The following SYCP2L variants were observed in gnomAD, a reference collection of about 807,000 sequenced individuals.
SYCP2L encodes the protein synaptonemal complex protein 2 like, also known as synaptonemal complex protein 2-like.
Under a neutral mutation model 125.8 loss-of-function variants are expected in SYCP2L, and 98 were observed. That is an observed-to-expected ratio of 0.78 (90% CI 0.66 to 0.92). SYCP2L has a LOEUF of 0.92. Ranked by LOEUF, SYCP2L falls within the 40% of genes least tolerant of loss-of-function variation. SYCP2L has a pLI of 0.00. For missense variants in SYCP2L, 842 were observed against 936.4 expected, an observed-to-expected ratio of 0.90 and a Z score of 1.32; for synonymous variants, 317 against 325.4, an observed-to-expected ratio of 0.97 and a Z score of 0.28.
chr6:10,904,367 T>A lies in SYCP2L; in HGVS notation c.641+1404T>A, dbSNP rs200724310. Among the ~76,000 whole-genome samples the A allele has an allele frequency of 1.2e-4, 19 of 152,272 alleles. No individual in the cohort carries two copies. In the East Asian group the frequency reaches 3.5e-3, roughly 28 times the overall value. On this transcript the variant is annotated intron_variant, in intron 8 of 29. Coordinates refer to ENST00000283141, the MANE Select transcript of SYCP2L (RefSeq NM_001040274.3). The stretch of plus-strand genomic sequence containing the variant: ...TAACAACCAGCCAGCGCGGAGGACA[T>A]CATGGTGGCACATTATTTGCGTGGT...
intron 28 of SYCP2L, 34 bp downstream of exon 28, chr6:10,961,592 T>C: frequency 6.2e-7 from 1 of 1,608,768 alleles, no homozygotes; most frequent in Non-Finnish European, 8.5e-7. Flanking sequence ...AGAAGAATCT[T>C]GGTTGAAGTA....
chr6:10,919,800 C>T (rs531577023), intron 14 of SYCP2L, among the ~76,000 whole-genome samples: 124 of 152,018 alleles, frequency 8.2e-4, no homozygotes, highest in Non-Finnish European at 9.3e-4. Context: ...GAGTTATGTT[C>T]CTAGGAGGAT....
intron 14 of SYCP2L, among the ~76,000 whole-genome samples, chr6:10,920,800 A>G (rs927608432): frequency 1.3e-5 from 2 of 150,904 alleles, no homozygotes; most frequent in Non-Finnish European, 2.9e-5. Flanking sequence ...TGCCTCATGG[A>G]AAGAAGGTAA....
chr6:10,895,207 G>C (rs965581390), intron 4 of SYCP2L, among the ~76,000 whole-genome samples: 1 of 152,198 alleles, frequency 6.6e-6, no homozygotes, highest in Non-Finnish European at 1.5e-5. Context: ...AAATCTCAAA[G>C]GAAATGAGGC....
chr6:10,972,616 C>T (rs1048254241), intron 29 of SYCP2L, among the ~76,000 whole-genome samples: 1 of 152,152 alleles, frequency 6.6e-6, no homozygotes, highest in East Asian at 1.9e-4. Flanking sequence ...CTTTTCTACA[C>T]CCCAGGCAGG....
At chr6:10,953,220 C>T (rs1025635665) in intron 23 of SYCP2L, among the ~76,000 whole-genome samples, 42 of 152,060 alleles carry the variant, frequency 2.8e-4, no homozygotes, top group Non-Finnish European at 4.9e-4. Context: ...TTATAATTTT[C>T]TTTTTTTCCA....
chr6:10,896,009 T>C (rs1318517142), intron 4 of SYCP2L, among the ~76,000 whole-genome samples: 1 of 152,012 alleles, frequency 6.6e-6, no homozygotes, highest in Non-Finnish European at 1.5e-5. Flanking sequence ...AAAAATTAGC[T>C]GGGCAGTGGT....
intron 23 of SYCP2L, among the ~76,000 whole-genome samples, chr6:10,943,339 A>T (rs1017723902): frequency 6.6e-6 from 1 of 152,160 alleles, no homozygotes; most frequent in Non-Finnish European, 1.5e-5. Context: ...AGTTATAAAT[A>T]TGTGTAGGAT....
intron 10 of SYCP2L, among the ~76,000 whole-genome samples, chr6:10,908,224 G>A (rs1780540745): frequency 6.6e-6 from 1 of 152,044 alleles, no homozygotes; most frequent in East Asian, 1.9e-4. Context: ...AGGTGAATTT[G>A]ATGGATCCAG....
chr6:10,931,381 G>A, intron 19 of SYCP2L, 59 bp from the exon 20 acceptor site: 1 of 1,565,988 alleles, frequency 6.4e-7, no homozygotes. Flanking sequence ...ACGGAGTAGA[G>A]AATTTTTATG....
At chr6:10,956,456 G>A (rs1225753) in intron 25 of SYCP2L, among the ~76,000 whole-genome samples, 64,051 of 152,002 alleles carry the variant, frequency 0.42, 14,071 homozygotes, top group African/African-American at 0.46. Context: ...TCAGTTACAA[G>A]TTAATAAGTT....
chr6:10,921,783 G>A (rs1336254057), intron 14 of SYCP2L, among the ~76,000 whole-genome samples: 1 of 151,424 alleles, frequency 6.6e-6, no homozygotes, highest in Non-Finnish European at 1.5e-5. Context: ...TTGGCTCACT[G>A]CAAGCTCCGC....
At chr6:10,959,886 A>G (rs1781569399) in intron 26 of SYCP2L, among the ~76,000 whole-genome samples, 1 of 136,770 alleles carries the variant, frequency 7.3e-6, no homozygotes, top group African/African-American at 2.7e-5. Context: ...AAAAAAAAAG[A>G]AAGAAAGAAA....
intron 20 of SYCP2L, among the ~76,000 whole-genome samples, chr6:10,932,020 A>G (rs1321465407): frequency 1.4e-5 from 2 of 147,476 alleles, no homozygotes; most frequent in South Asian, 2.1e-4. Flanking sequence ...CTGTTCCCAA[A>G]TGTTGCTGGA....
intron 8 of SYCP2L, among the ~76,000 whole-genome samples, chr6:10,905,482 G>A (rs935591471): frequency 6.6e-6 from 1 of 152,016 alleles, no homozygotes; most frequent in Admixed American, 6.6e-5. Context: ...AGTAGAGATG[G>A]GGTTTCTCCA....
At chr6:10,965,649 A>G (rs1781664619) in intron 29 of SYCP2L, among the ~76,000 whole-genome samples, 1 of 152,250 alleles carries the variant, frequency 6.6e-6, no homozygotes, top group African/African-American at 2.4e-5. Flanking sequence ...TCCAGATTAC[A>G]TTACAGAGGA....
chr6:10,900,388 C>A (rs1260123942), intron 6 of SYCP2L, among the ~76,000 whole-genome samples: 2 of 151,556 alleles, frequency 1.3e-5, no homozygotes, highest in Non-Finnish European at 2.9e-5. Context: ...GAGTCTCACA[C>A]TGTTGGCTCA....
intron 9 of SYCP2L, 129 bp from the exon 10 acceptor site, chr6:10,907,413 T>C (rs568188364): frequency 1.2e-5 from 9 of 750,674 alleles, no homozygotes; most frequent in Non-Finnish European, 1.8e-5. Flanking sequence ...TTTGCTGTGG[T>C]AACTTTTTAA....
chr6:10,940,204 G>A (rs1414078038), intron 21 of SYCP2L, among the ~76,000 whole-genome samples: 2 of 152,226 alleles, frequency 1.3e-5, no homozygotes, highest in Non-Finnish European at 2.9e-5. Flanking sequence ...CAAGGGTATG[G>A]AGAGAAGGGA....
Sources: allele counts gnomAD v4.1 joint callset (sites outside exome capture counted in the v4.1 genomes callset), GRCh38; gene constraint gnomAD v4.1.1; transcripts MANE v1.5; gene names NCBI Gene and HGNC (gene_info 2026-07-23, HGNC 2026-07-21).